The following POLA1 variants were observed in gnomAD, a reference collection of about 807,000 sequenced individuals.
POLA1 encodes DNA polymerase alpha 1, catalytic subunit.
A neutral mutation model predicts 124.0 loss-of-function variants in POLA1; 15 were observed. That is an observed-to-expected ratio of 0.12 (90% CI 0.08 to 0.19). The LOEUF is 0.19. Among genes scored for constraint, POLA1 ranks in the 10% least tolerant of loss-of-function variants. The probability of loss-of-function intolerance (pLI) is 1.00; values close to 1 mark genes in which losing one functional copy is unlikely to be tolerated. For synonymous variants in POLA1, 408 were observed against 389.4 expected (o/e 1.05, Z -0.56); for missense variants, 886 against 1,103.4 (o/e 0.80, Z 2.79).
rs1555976224 is a variant in POLA1, at chrX:24,724,305, T to C, written c.1201-30T>C. The C allele has an allele frequency of 2.8e-5, 20 of 714,929 alleles. No individual in the cohort carries two copies. In the South Asian group the frequency reaches 3.3e-4, roughly 12 times the overall value. 58.9% of individuals were successfully genotyped at this position (714,929 alleles called of 1,213,427 possible). A position where few individuals can be genotyped will look rare whatever the true frequency, so the allele number is the denominator to read the frequency against. On this transcript the variant is annotated intron_variant, in intron 11 of 36. Coordinates refer to ENST00000379068, the MANE Select transcript of POLA1 (RefSeq NM_001330360.2). ...TCATTTATGTACAGATACTTTTTTT[T>C]CCCCTCTGTCCCCTTCTCTGGGATA... is the stretch of plus-strand genomic sequence containing the variant.
chrX:24,904,823 G>A (rs1341873567), intron 35 of POLA1, among the ~76,000 whole-genome samples: 10 of 110,971 alleles, frequency 9.0e-5, no homozygotes, highest in Non-Finnish European at 3.8e-5. Flanking sequence ...TCAGGAGTTC[G>A]AGACCAGCCT....
intron 36 of POLA1, among the ~76,000 whole-genome samples, chrX:24,982,653 T>G (rs1324153650): frequency 9.0e-6 from 1 of 111,284 alleles, no homozygotes; most frequent in African/African-American, 3.3e-5. Context: ...TGTTTTCTTC[T>G]TTTTATCTTC....
intron 36 of POLA1, among the ~76,000 whole-genome samples, chrX:24,969,457 A>G (rs988304440): frequency 5.4e-5 from 6 of 110,364 alleles, no homozygotes; most frequent in Non-Finnish European, 7.6e-5. Context: ...ATACCATGCA[A>G]TTGTATACCT....
At chrX:24,975,007 G>T (rs1300864597) in intron 36 of POLA1, among the ~76,000 whole-genome samples, 1 of 111,838 alleles carries the variant, frequency 8.9e-6, no homozygotes, top group Non-Finnish European at 1.9e-5. Flanking sequence ...TGGTCTTTGG[G>T]TGGCTACTTT....
At chrX:24,896,403 C>A (rs748823443) in intron 35 of POLA1, among the ~76,000 whole-genome samples, 78 of 112,367 alleles carry the variant, frequency 6.9e-4, no homozygotes, top group African/African-American at 2.4e-3. Flanking sequence ...CAGCCCAACT[C>A]AAATTTGTAA....
At chrX:24,707,214 T>C (rs1928871488) in intron 4 of POLA1, among the ~76,000 whole-genome samples, 1 of 112,169 alleles carries the variant, frequency 8.9e-6, no homozygotes, top group Non-Finnish European at 1.9e-5. Context: ...CTATTGTTAA[T>C]TGGCGGTGTC....
intron 35 of POLA1, among the ~76,000 whole-genome samples, chrX:24,913,714 C>CAA (rs1440385926): frequency 6.0e-5 from 5 of 83,367 alleles, no homozygotes; most frequent in Non-Finnish European, 1.1e-4. Context: ...AACTCTGTCT[C>CAA]AAAAAAAAAC....
intron 34 of POLA1, among the ~76,000 whole-genome samples, chrX:24,867,950 A>G (rs1039258721): frequency 2.7e-5 from 3 of 111,962 alleles, no homozygotes; most frequent in African/African-American, 9.7e-5. Context: ...AAGAAACTTT[A>G]TTAACACTGA....
intron 36 of POLA1, among the ~76,000 whole-genome samples, chrX:24,987,097 ACTCT>A (rs1174240552): frequency 1.8e-5 from 2 of 110,894 alleles, no homozygotes; most frequent in East Asian, 2.8e-4. Context: ...GAGCATTCTC[ACTCT>A]CTCACTCACT....
At chrX:24,738,002 A>T (rs1931386755) in intron 19 of POLA1, among the ~76,000 whole-genome samples, 1 of 98,241 alleles carries the variant, frequency 1.0e-5, no homozygotes, top group Admixed American at 1.0e-4. Context: ...TCATGAGGTC[A>T]GGAGATCGGG....
intron 34 of POLA1, among the ~76,000 whole-genome samples, chrX:24,863,264 C>G (rs1222739237): frequency 9.3e-6 from 1 of 107,796 alleles, no homozygotes; most frequent in Non-Finnish European, 1.9e-5. Flanking sequence ...GTATGCCCCC[C>G]CCCATCTTCC....
Position 24,741,115 on chromosome X carries a change from T to TTGTG in POLA1, c.2217-231_2217-228dup, listed in dbSNP as rs751996539. On this transcript the variant is annotated intron_variant, in intron 20 of 36. Transcript: ENST00000379068. The stretch of plus-strand genomic sequence containing the variant: ...TACTTCAGTTTTTCCTTATGGGATT[T>TTGTG]TGTGTGTGTGTGTGTGTGTGTGTGT... Among the ~76,000 whole-genome samples, 762 of 89,540 alleles carry TTGTG rather than the reference T, an allele frequency of 8.5e-3. 10 individuals are homozygous for TTGTG. The highest frequency in any genetic ancestry group is 0.027 in the African/African-American group (683 of 25,568). The allele number at this position is 89,540 out of a possible 115,157, so 77.8% of individuals were successfully genotyped here.
At position 24,809,781 on chromosome X, in the gene POLA1, A is replaced by T. The variant is rs765484786; in HGVS notation, c.2965-117A>T. Reference sequence around the variant, plus strand: ...TAAGGGCTGTTGTTAGAAAACCTTCAAGAGCTTTAGAAATACATGGAAATG... The same window carrying T: ...TAAGGGCTGTTGTTAGAAAACCTTCTAGAGCTTTAGAAATACATGGAAATG... On this transcript the variant is annotated intron_variant, in intron 26 of 36. Transcript: ENST00000379068. 636 of 449,131 alleles carry T rather than the reference A, an allele frequency of 1.4e-3. 2 individuals are homozygous for T. Among genetic ancestry groups the T allele is most frequent in the Non-Finnish European group, 2.2e-3 (599 of 271,859 alleles). The allele number at this position is 449,131 out of a possible 1,213,427, so 37.0% of individuals were successfully genotyped here. A position where few individuals can be genotyped will look rare whatever the true frequency, so the allele number is the denominator to read the frequency against.
intron 34 of POLA1, among the ~76,000 whole-genome samples, chrX:24,851,000 C>G (rs1224462881): frequency 8.9e-6 from 1 of 111,903 alleles, no homozygotes; most frequent in African/African-American, 3.3e-5. Context: ...TTGTCTTATG[C>G]TCTCCCTCTC....
chrX:24,718,328 T>G (rs1256589854), intron 10 of POLA1, among the ~76,000 whole-genome samples: 1 of 111,141 alleles, frequency 9.0e-6, no homozygotes, highest in African/African-American at 3.3e-5. Context: ...AGAAAATTAG[T>G]TGGGCGATGG....
intron 36 of POLA1, among the ~76,000 whole-genome samples, chrX:24,958,242 T>A (rs1240056922): frequency 8.9e-6 from 1 of 111,769 alleles, no homozygotes; most frequent in Non-Finnish European, 1.9e-5. Flanking sequence ...AAAGCTTTTC[T>A]TTAATCTTAT....
At chrX:24,925,122 A>G (rs747243954) in intron 35 of POLA1, among the ~76,000 whole-genome samples, 19 of 112,436 alleles carry the variant, frequency 1.7e-4, no homozygotes, top group Non-Finnish European at 3.0e-4. Context: ...AATGCAGTTT[A>G]ATACACCTTC....
At chrX:24,893,947 CT>C (rs1283969851) in intron 35 of POLA1, among the ~76,000 whole-genome samples, 2 of 111,379 alleles carry the variant, frequency 1.8e-5, no homozygotes, top group Non-Finnish European at 3.8e-5. Flanking sequence ...AGACTGATCC[CT>C]TTTTCTGTCT....
chrX:24,698,710 A>G (rs867403516), intron 1 of POLA1, among the ~76,000 whole-genome samples: 1 of 110,395 alleles, frequency 9.1e-6, no homozygotes, highest in Non-Finnish European at 1.9e-5. Flanking sequence ...CTGGAGTGCA[A>G]TGGTGCGATC....
Sources: gnomAD v4.1 joint callset for allele counts (sites outside exome capture counted in the v4.1 genomes callset) on GRCh38, gnomAD v4.1.1 for gene constraint, MANE v1.5 for transcripts, NCBI Gene and HGNC (gene_info 2026-07-23, HGNC 2026-07-21) for gene names.